The following CDH9 variants were observed in gnomAD, a reference collection of about 807,000 sequenced individuals.
CDH9 encodes cadherin-9.
A neutral mutation model predicts 70.9 loss-of-function variants in CDH9; 28 were observed. The observed-to-expected ratio is 0.40, with a 90% CI of 0.29 to 0.54. The LOEUF is 0.54. Ranked by LOEUF, CDH9 falls within the 20% of genes least tolerant of loss-of-function variation. The pLI is 0.59. For missense variants in CDH9, 874 were observed against 984.4 expected (o/e 0.89, Z 1.50); for synonymous variants, 409 against 343.1 (o/e 1.19, Z -2.12).
chr5:26,897,778 T>C (rs1740779514), intron 7 of CDH9, among the ~76,000 whole-genome samples: 1 of 152,066 alleles, frequency 6.6e-6, no homozygotes, highest in South Asian at 2.1e-4. Flanking sequence ...ATGTCCTCTC[T>C]CACCACTCCT....
intron 2 of CDH9, among the ~76,000 whole-genome samples, chr5:26,942,782 T>G (rs1385505237): frequency 1.3e-5 from 2 of 152,118 alleles, no homozygotes. Context: ...CTACATAACC[T>G]CACATAAATG....
chr5:26,992,867 C>T (rs961710770), intron 1 of CDH9, among the ~76,000 whole-genome samples: 7 of 152,046 alleles, frequency 4.6e-5, no homozygotes, highest in African/African-American at 2.4e-5. Flanking sequence ...AAGGCCGAGG[C>T]GGGCGGATCA....
intron 7 of CDH9, among the ~76,000 whole-genome samples, chr5:26,893,796 T>A (rs1740701657): frequency 6.6e-6 from 1 of 152,114 alleles, no homozygotes; most frequent in South Asian, 2.1e-4. Context: ...AAAATAACAA[T>A]GTAGTAAAAT....
intron 1 of CDH9, 60 bp from the exon 2 acceptor site, chr5:26,988,442 T>C (rs1316840635): frequency 1.4e-6 from 2 of 1,389,860 alleles, no homozygotes; most frequent in East Asian, 4.8e-5. Flanking sequence ...TCCCACAACG[T>C]GTAAACTGAA....
chr5:27,010,379 A>G (rs1333228104), intron 1 of CDH9, among the ~76,000 whole-genome samples: 1 of 152,118 alleles, frequency 6.6e-6, no homozygotes, highest in African/African-American at 2.4e-5. Context: ...CCTTATTTCT[A>G]TCTTTCATCA....
chr5:26,983,051 T>C (rs750624083), intron 2 of CDH9, among the ~76,000 whole-genome samples: 30 of 152,066 alleles, frequency 2.0e-4, no homozygotes, highest in Non-Finnish European at 2.8e-4. Flanking sequence ...GAAAATGAAA[T>C]GGGTTTTATG....
intron 2 of CDH9, among the ~76,000 whole-genome samples, chr5:26,966,396 C>A (rs550542304): frequency 1.3e-5 from 2 of 152,308 alleles, no homozygotes; most frequent in Admixed American, 6.5e-5. Flanking sequence ...TCCCAGGGAA[C>A]AATCAATCTA....
rs368230951 is a variant in CDH9, at chr5:26,881,334, G to C, written c.2172C>G (p.Asp724Glu). The C allele has an allele frequency of 6.2e-6, 10 of 1,612,926 alleles. No homozygotes were observed. Among genetic ancestry groups the C allele is most frequent in the Non-Finnish European group, 6.8e-6 (8 of 1,179,258 alleles). Residue 724 changes from aspartate (D) to glutamate (E), a missense_variant, in exon 12 of 12, where the codon GAC becomes GAG. Physicochemically the swap from Asp to Glu is conservative, Grantham distance 45. Transcript: ENST00000231021. ...DFIHRRLKEN[D>E]ADPSAPPYDS... is the part of the protein sequence containing the mutation. Reference sequence around the variant, plus strand: ...CATATGGAGGTGCACTTGGGTCTGCGTCGTTTTCTTTTAATCTTCGATGGA... The same window carrying C: ...CATATGGAGGTGCACTTGGGTCTGCCTCGTTTTCTTTTAATCTTCGATGGA...
At chr5:26,956,926 T>C (rs185576108) in intron 2 of CDH9, among the ~76,000 whole-genome samples, 103 of 152,022 alleles carry the variant, frequency 6.8e-4, no homozygotes, top group African/African-American at 2.4e-3. Flanking sequence ...TTAAGAATAG[T>C]GTCTGGGTCA....
chr5:26,991,029 A>G lies in CDH9; in HGVS notation c.-49-2647T>C, dbSNP rs142002326. 4.4e-3 allele frequency among the ~76,000 whole-genome samples: 672 copies of G among 152,318 alleles called. 5 individuals carry two copies. Among genetic ancestry groups the G allele is most frequent in the African/African-American group, 0.015 (640 of 41,566 alleles). ...GAAATTCTCATTCATTTTCAGTGCGATTGAAAGCAGTTGGAAGATTTTAAC... is the reference window on the plus strand; with the variant it reads ...GAAATTCTCATTCATTTTCAGTGCGGTTGAAAGCAGTTGGAAGATTTTAAC... On this transcript the variant is annotated intron_variant, in intron 1 of 11. Transcript: ENST00000231021.
intron 1 of CDH9, among the ~76,000 whole-genome samples, chr5:27,027,926 T>C (rs566932507): frequency 6.6e-6 from 1 of 152,210 alleles, no homozygotes; most frequent in South Asian, 2.1e-4. Flanking sequence ...TGGGGGGATA[T>C]GAAACTCTCT....
chr5:27,024,776 T>C (rs944429884), intron 1 of CDH9, among the ~76,000 whole-genome samples: 1 of 152,098 alleles, frequency 6.6e-6, no homozygotes, highest in Non-Finnish European at 1.5e-5. Context: ...ACTAAGAGCC[T>C]GAATTCTTAA....
At chr5:26,916,517 A>C (rs2112006332) in intron 2 of CDH9, among the ~76,000 whole-genome samples, 1 of 152,146 alleles carries the variant, frequency 6.6e-6, no homozygotes, top group Non-Finnish European at 1.5e-5. Context: ...GACAAAGTTT[A>C]ATTAATAAAT....
chr5:26,893,162 A>C (rs1740690427), intron 7 of CDH9, among the ~76,000 whole-genome samples: 1 of 152,184 alleles, frequency 6.6e-6, no homozygotes, highest in Non-Finnish European at 1.5e-5. Context: ...AACTTAAGGG[A>C]TCTATTAAGT....
intron 2 of CDH9, among the ~76,000 whole-genome samples, chr5:26,939,046 T>A (rs1282838658): frequency 1.3e-5 from 2 of 152,014 alleles, no homozygotes; most frequent in African/African-American, 4.8e-5. Context: ...CAATAAAATA[T>A]TATATCTTCA....
At chr5:26,927,172 T>A (rs775097068) in intron 2 of CDH9, among the ~76,000 whole-genome samples, 1 of 152,018 alleles carries the variant, frequency 6.6e-6, no homozygotes, top group African/African-American at 2.4e-5. Context: ...CTTATAATGA[T>A]GTTGAAAAGG....
chr5:26,942,188 G>A (rs1428677866), intron 2 of CDH9, among the ~76,000 whole-genome samples: 1 of 152,142 alleles, frequency 6.6e-6, no homozygotes, highest in African/African-American at 2.4e-5. Context: ...GAAGTGTTGA[G>A]CAAAAGGGAA....
intron 7 of CDH9, among the ~76,000 whole-genome samples, chr5:26,894,169 G>GTTATTTCTC (rs1461069112): frequency 6.6e-6 from 1 of 152,022 alleles, no homozygotes; most frequent in East Asian, 1.9e-4. Flanking sequence ...TGTTGGAAAG[G>GTTATTTCTC]TCAATAGTTA....
intron 7 of CDH9, among the ~76,000 whole-genome samples, chr5:26,892,880 A>G (rs1331277755): frequency 6.6e-6 from 1 of 151,718 alleles, no homozygotes; most frequent in Non-Finnish European, 1.5e-5. Context: ...ACAGGCGCCC[A>G]CCACCATGTC....
Sources: gnomAD v4.1 joint callset for allele counts (sites outside exome capture counted in the v4.1 genomes callset) on GRCh38, gnomAD v4.1.1 for gene constraint, MANE v1.5 for transcripts, NCBI Gene and HGNC (gene_info 2026-07-23, HGNC 2026-07-21) for gene names.